TNNI3K: variants seen among roughly 807,000 people sequenced by gnomAD.
TNNI3K encodes the protein TNNI3 interacting kinase.
TNNI3K carries 140 observed loss-of-function variants against 114.5 expected under a neutral mutation model. The observed-to-expected ratio is 1.22, with a 90% CI of 1.07 to 1.41. The LOEUF is 1.41. TNNI3K is among the 40% of genes most tolerant of loss of function. TNNI3K has a pLI of 0.00. For missense variants in TNNI3K, 1,125 were observed against 1,007.6 expected (o/e 1.12, Z -1.58); for synonymous variants, 347 against 347.5 (o/e 1.00, Z 0.02).
chr1:74,531,612 G>C (rs1158775523), intron 23 of TNNI3K, among the ~76,000 whole-genome samples: 1 of 152,144 alleles, frequency 6.6e-6, no homozygotes, highest in Non-Finnish European at 1.5e-5. Context: ...CTTTTCTATG[G>C]CAAGAGATTT....
chr1:74,532,213 C>G (rs552579582), intron 23 of TNNI3K, among the ~76,000 whole-genome samples: 13 of 152,256 alleles, frequency 8.5e-5, no homozygotes, highest in Middle Eastern at 3.4e-3. Context: ...GTTTTAGCAT[C>G]ATAGCAAGGT....
chr1:74,480,378 G>T, intron 21 of TNNI3K: 1 of 717,560 alleles, frequency 1.4e-6, no homozygotes, highest in Non-Finnish European at 2.6e-6. Flanking sequence ...CTTAAAAACC[G>T]AGCAAGGGGA....
chr1:74,369,165 TAA>T (rs1263483936), intron 14 of TNNI3K, 40 bp from the exon 15 acceptor site: 1 of 1,601,446 alleles, frequency 6.2e-7, no homozygotes, highest in Non-Finnish European at 8.5e-7. Flanking sequence ...TGAATGAGCT[TAA>T]GTTAATATGT....
chr1:74,365,416 C>A (rs1662218724), intron 11 of TNNI3K, among the ~76,000 whole-genome samples: 1 of 152,006 alleles, frequency 6.6e-6, no homozygotes, highest in African/African-American at 2.4e-5. Flanking sequence ...AACACTCAGC[C>A]CCTACTACAG....
At chr1:74,383,023 T>A (rs1663280065) in intron 17 of TNNI3K, among the ~76,000 whole-genome samples, 1 of 152,102 alleles carries the variant, frequency 6.6e-6, no homozygotes, top group Admixed American at 6.6e-5. Flanking sequence ...CTGGGTTTTT[T>A]AAAGGAAAGG....
chr1:74,535,688 A>T (rs1444933806), intron 23 of TNNI3K, among the ~76,000 whole-genome samples: 1 of 152,098 alleles, frequency 6.6e-6, no homozygotes, highest in East Asian at 1.9e-4. Flanking sequence ...AATCTTAGGA[A>T]ATGCAGCATT....
At chr1:74,387,788 T>G (rs1570558118) in intron 17 of TNNI3K, among the ~76,000 whole-genome samples, 1 of 152,198 alleles carries the variant, frequency 6.6e-6, no homozygotes, top group African/African-American at 2.4e-5. Context: ...AATTTTTTCA[T>G]TATAAAATAG....
Position 74,489,239 on chromosome 1 carries a change from C to G in TNNI3K, c.2172C>G (p.Cys724Trp). 6.2e-7 allele frequency: 1 copy of G among 1,611,332 alleles called. No individual in the cohort carries two copies. Among genetic ancestry groups the G allele is most frequent in the Non-Finnish European group, 8.5e-7 (1 of 1,178,852 alleles). Residue 724 changes from cysteine to tryptophan, a missense_variant, in exon 22 of 25, where the codon TGC (cysteine) becomes TGG (tryptophan). Physicochemically the swap from Cys to Trp is radical, Grantham distance 215. Transcript: ENST00000326637. Reference protein sequence around the residue: ...EVVMKLEECLCNIELMSPASS... With the variant: ...EVVMKLEECLWNIELMSPASS... ...TCATGAAGTTAGAAGAGTGTCTCTG[C>G]AACATTGAGGTAAAAGCTTTAGCTT...
intron 2 of TNNI3K, among the ~76,000 whole-genome samples, chr1:74,241,936 G>A (rs375723057): frequency 2.0e-5 from 3 of 148,838 alleles, no homozygotes; most frequent in East Asian, 2.0e-4. Context: ...TGCAAGCTCC[G>A]CCTCCTGGAT....
chr1:74,447,574 C>A (rs1315884050), intron 20 of TNNI3K, among the ~76,000 whole-genome samples: 1 of 104,510 alleles, frequency 9.6e-6, no homozygotes, highest in Admixed American at 1.1e-4. Flanking sequence ...CATCTCACAC[C>A]AGTTAGAATG....
chr1:74,380,479 T>G (rs1570549001), intron 17 of TNNI3K, among the ~76,000 whole-genome samples: 1 of 152,046 alleles, frequency 6.6e-6, no homozygotes, highest in Non-Finnish European at 1.5e-5. Context: ...CAATGTCACC[T>G]TCCCGCACCC....
chr1:74,518,113 G>A (rs539542347), intron 23 of TNNI3K, among the ~76,000 whole-genome samples: 1 of 152,150 alleles, frequency 6.6e-6, no homozygotes, highest in South Asian at 2.1e-4. Flanking sequence ...GGACCAGGAG[G>A]TTCCCAGGTA....
intron 9 of TNNI3K, among the ~76,000 whole-genome samples, chr1:74,351,951 G>A (rs1387503064): frequency 6.6e-6 from 1 of 152,046 alleles, no homozygotes; most frequent in Non-Finnish European, 1.5e-5. Flanking sequence ...ATCTTCTGAA[G>A]CCTTCCCCTC....
rs1570351199 is a variant in TNNI3K, at chr1:74,236,218, T to C, written c.149+8T>C. ...ACTAAGGAATATATTTGGGTAAAGT[T>C]GTAAGAGTCATTATTTCTTTGTATA... On this transcript the variant is annotated splice_region_variant and intron_variant, in intron 2 of 24. Transcript: ENST00000326637. The C allele has an allele frequency of 6.3e-7, 1 of 1,597,162 alleles. No homozygotes were observed. Among genetic ancestry groups the C allele is most frequent in the Non-Finnish European group, 8.5e-7 (1 of 1,169,718 alleles).
chr1:74,313,302 CA>C (rs1659103306), intron 5 of TNNI3K, among the ~76,000 whole-genome samples: 1 of 152,084 alleles, frequency 6.6e-6, no homozygotes, highest in African/African-American at 2.4e-5. Context: ...TTTATTTATC[CA>C]CTCTATACAG....
At chr1:74,237,183 C>T (rs917346949) in intron 2 of TNNI3K, among the ~76,000 whole-genome samples, 3 of 151,874 alleles carry the variant, frequency 2.0e-5, no homozygotes, top group Non-Finnish European at 2.9e-5. Flanking sequence ...ACTTATGGTT[C>T]AAAAAGTAGT....
intron 11 of TNNI3K, among the ~76,000 whole-genome samples, chr1:74,357,642 C>G (rs1400312056): frequency 1.3e-5 from 2 of 152,102 alleles, no homozygotes; most frequent in Non-Finnish European, 2.9e-5. Flanking sequence ...CTAAATATAT[C>G]AAAATCAATC....
At chr1:74,329,214 T>A (rs1338717398) in intron 5 of TNNI3K, among the ~76,000 whole-genome samples, 4 of 152,092 alleles carry the variant, frequency 2.6e-5, no homozygotes, top group Non-Finnish European at 5.9e-5. Context: ...AGTTTCTTCA[T>A]CTTTAAAATG....
At chr1:74,502,736 C>T (rs1016533812) in intron 23 of TNNI3K, among the ~76,000 whole-genome samples, 11 of 152,164 alleles carry the variant, frequency 7.2e-5, no homozygotes, top group Non-Finnish European at 1.3e-4. Flanking sequence ...GCCACTTTGC[C>T]TCAGCTTATG....
Sources: allele counts gnomAD v4.1 joint callset (sites outside exome capture counted in the v4.1 genomes callset), GRCh38; gene constraint gnomAD v4.1.1; transcripts MANE v1.5; gene names NCBI Gene and HGNC (gene_info 2026-07-23, HGNC 2026-07-21).